The following ESRRG variants were observed in gnomAD, a reference collection of about 807,000 sequenced individuals.
ESRRG encodes estrogen-related receptor gamma.
In ESRRG, 13 loss-of-function variants were observed where a neutral mutation model predicts 44.0. That is an observed-to-expected ratio of 0.30 (90% confidence interval 0.19 to 0.47). The LOEUF is 0.47. Ranked by LOEUF, ESRRG falls within the 20% of genes least tolerant of loss-of-function variation. The probability of loss-of-function intolerance (pLI) is 1.00; values close to 1 mark genes in which losing one functional copy is unlikely to be tolerated. For missense variants in ESRRG, 395 were observed against 580.6 expected (o/e 0.68, Z 3.29); for synonymous variants, 215 against 214.6 (o/e 1.00, Z -0.02).
At chr1:216,850,361 C>T (rs2095822216) in intron 2 of ESRRG, among the ~76,000 whole-genome samples, 1 of 151,906 alleles carries the variant, frequency 6.6e-6, no homozygotes, top group Non-Finnish European at 1.5e-5. Flanking sequence ...AACATCAATT[C>T]ATTAGTTAAA....
intron 1 of ESRRG, among the ~76,000 whole-genome samples, chr1:216,713,304 A>G (rs921314740): frequency 1.3e-5 from 2 of 152,118 alleles, no homozygotes; most frequent in African/African-American, 4.8e-5. Flanking sequence ...TACTTGGACA[A>G]ATACATTTAT....
chr1:216,724,625 CA>C (rs1375646222), upstream of ESRRG, among the ~76,000 whole-genome samples: 1 of 151,892 alleles, frequency 6.6e-6, no homozygotes, highest in African/African-American at 2.4e-5. Context: ...GAACTAGTTT[CA>C]AACAGATAAT....
intron 2 of ESRRG, among the ~76,000 whole-genome samples, chr1:216,804,636 C>T (rs2094728957): frequency 6.6e-6 from 1 of 151,782 alleles, no homozygotes; most frequent in African/African-American, 2.4e-5. Context: ...TCTGCTACAC[C>T]ACACACTTTT....
At chr1:217,012,080 A>ATAAT (rs2078700288) in intron 1 of ESRRG, among the ~76,000 whole-genome samples, 1 of 151,942 alleles carries the variant, frequency 6.6e-6, no homozygotes, top group South Asian at 2.1e-4. Context: ...ATAAATGTAA[A>ATAAT]GTAATAAGTA....
chr1:217,121,532 A>G (rs1322441828), intron 1 of ESRRG, among the ~76,000 whole-genome samples: 4 of 152,318 alleles, frequency 2.6e-5, no homozygotes, highest in African/African-American at 9.6e-5. Context: ...ATGAACTGAG[A>G]TAAAAACAGA....
At chr1:216,629,920 T>C (rs888348495) in intron 3 of ESRRG, among the ~76,000 whole-genome samples, 2 of 152,102 alleles carry the variant, frequency 1.3e-5, no homozygotes, top group African/African-American at 2.4e-5. Context: ...AGAATAATGT[T>C]CCCAAGTTAA....
chr1:216,817,506 T>C (rs1260131398), intron 2 of ESRRG, among the ~76,000 whole-genome samples: 1 of 152,152 alleles, frequency 6.6e-6, no homozygotes, highest in Non-Finnish European at 1.5e-5. Context: ...ATACAAATAT[T>C]ATGTGGGCTG....
chr1:216,756,876 G>A (rs2092474925), intron 2 of ESRRG, among the ~76,000 whole-genome samples: 1 of 151,878 alleles, frequency 6.6e-6, no homozygotes, highest in African/African-American at 2.4e-5. Flanking sequence ...GATCCAACAG[G>A]AACAGCATGT....
At chr1:216,812,370 A>G (rs1246639433) in intron 2 of ESRRG, among the ~76,000 whole-genome samples, 3 of 152,214 alleles carry the variant, frequency 2.0e-5, no homozygotes, top group Admixed American at 1.3e-4. Flanking sequence ...AAATAAGGTT[A>G]TATCTGCACA....
intron 1 of ESRRG, among the ~76,000 whole-genome samples, chr1:216,940,173 G>A (rs2064989713): frequency 6.6e-6 from 1 of 152,190 alleles, no homozygotes; most frequent in South Asian, 2.1e-4. Flanking sequence ...AGAGCGAGTA[G>A]AGAGGCTCAA....
intron 2 of ESRRG, among the ~76,000 whole-genome samples, chr1:216,866,636 C>A (rs938850877): frequency 7.3e-5 from 11 of 151,510 alleles, no homozygotes; most frequent in South Asian, 2.1e-4. Flanking sequence ...AATGGTGCGG[C>A]CTCAGCTCAT....
At chr1:216,740,836 A>G (rs774110293) in intron 2 of ESRRG, among the ~76,000 whole-genome samples, 1 of 152,012 alleles carries the variant, frequency 6.6e-6, no homozygotes, top group African/African-American at 2.4e-5. Flanking sequence ...GTGCCCCTGT[A>G]TTAAGCTTGA....
At chr1:217,104,534 G>A (rs2092563089) in intron 1 of ESRRG, among the ~76,000 whole-genome samples, 1 of 152,150 alleles carries the variant, frequency 6.6e-6, no homozygotes, top group African/African-American at 2.4e-5. Context: ...CCTCAGTATT[G>A]AGGTGGGCAA....
At chr1:216,897,427 A>G (rs947085244) in intron 2 of ESRRG, among the ~76,000 whole-genome samples, 7 of 152,206 alleles carry the variant, frequency 4.6e-5, no homozygotes, top group South Asian at 2.1e-4. Flanking sequence ...TTTAACTAGC[A>G]CTGCCAGTGA....
intron 2 of ESRRG, among the ~76,000 whole-genome samples, chr1:216,848,796 C>T (rs2095799150): frequency 6.6e-6 from 1 of 152,006 alleles, no homozygotes; most frequent in Non-Finnish European, 1.5e-5. Flanking sequence ...CTTTAAAGAA[C>T]AGTACATGCA....
At chr1:217,060,788 C>A (rs1472473907) in intron 1 of ESRRG, among the ~76,000 whole-genome samples, 5 of 65,512 alleles carry the variant, frequency 7.6e-5, no homozygotes, top group African/African-American at 2.1e-4. Flanking sequence ...ATATTGAACA[C>A]TAGATAGATA....
At chr1:217,080,576 C>G (rs1366807916) in intron 1 of ESRRG, among the ~76,000 whole-genome samples, 1 of 150,850 alleles carries the variant, frequency 6.6e-6, no homozygotes, top group Non-Finnish European at 1.5e-5. Flanking sequence ...CTTTTTAATT[C>G]AAGCCTGACC....
chr1:216,721,785 G>A (rs1193925422), intron 1 of ESRRG, among the ~76,000 whole-genome samples: 1 of 152,186 alleles, frequency 6.6e-6, no homozygotes, highest in East Asian at 1.9e-4. Flanking sequence ...TCTACAGCCC[G>A]AAGTACACTA....
intron 3 of ESRRG, among the ~76,000 whole-genome samples, chr1:216,578,776 A>G (rs893012804): frequency 1.3e-5 from 2 of 152,120 alleles, no homozygotes; most frequent in African/African-American, 2.4e-5. Flanking sequence ...CAGAAATTGA[A>G]AAGAAAAGCA....
Sources: gnomAD v4.1 joint callset for allele counts (sites outside exome capture counted in the v4.1 genomes callset) on GRCh38, gnomAD v4.1.1 for gene constraint, MANE v1.5 for transcripts, NCBI Gene and HGNC (gene_info 2026-07-23, HGNC 2026-07-21) for gene names.